Variants in GABRG2 observed in about 807,000 individuals in gnomAD.
The protein encoded by GABRG2 is gamma-aminobutyric acid type A receptor subunit gamma2.
Under a neutral mutation model 56.4 loss-of-function variants are expected in GABRG2, and 16 were observed. That is an observed-to-expected ratio of 0.28 (90% CI 0.19 to 0.43). The LOEUF is 0.43. Among genes scored for constraint, GABRG2 ranks in the 20% least tolerant of loss-of-function variants. The pLI, the probability that GABRG2 is intolerant of heterozygous loss-of-function variation, is 1.00. For missense variants in GABRG2, 327 were observed against 582.7 expected, an observed-to-expected ratio of 0.56 and a Z score of 4.52; for synonymous variants, 208 against 205.5, an observed-to-expected ratio of 1.01 and a Z score of -0.10.
At chr5:162,139,442 T>C (rs1217315843) in intron 6 of GABRG2, among the ~76,000 whole-genome samples, 1 of 152,234 alleles carries the variant, frequency 6.6e-6, no homozygotes, top group Non-Finnish European at 1.5e-5. Flanking sequence ...TTGCTTTTAA[T>C]GGCTTGTTCT....
chr5:162,151,481 T>C (rs970321056), intron 8 of GABRG2: 3 of 444,756 alleles, frequency 6.7e-6, no homozygotes, highest in Admixed American at 4.0e-5. Flanking sequence ...TCTGGCTTCT[T>C]CAGTCAAGTA....
intron 1 of GABRG2, among the ~76,000 whole-genome samples, chr5:162,078,827 G>C (rs888342239): frequency 6.6e-6 from 1 of 151,820 alleles, no homozygotes; most frequent in Non-Finnish European, 1.5e-5. Context: ...AAAAAGTGAG[G>C]TCATACATGG....
rs553408446 is a variant in GABRG2, at chr5:162,129,148, C to A, written c.770-13016C>A. ...TGTATTTTCTTAATAAGAACAATAG[C>A]CAAACTGGCATAGGAAAGCAAGAAA... On this transcript the variant is annotated intron_variant, in intron 6 of 9. Transcript: ENST00000639213. The A allele has an allele frequency of 4.6e-5, 7 of 151,940 alleles. No homozygotes were observed. In the South Asian group the frequency reaches 1.5e-3, roughly 32 times the overall value. 9.4% of individuals were successfully genotyped at this position (151,940 alleles called of 1,614,324 possible). A position where few individuals can be genotyped will look rare whatever the true frequency, so the allele number is the denominator to read the frequency against.
intron 6 of GABRG2, among the ~76,000 whole-genome samples, chr5:162,137,652 C>A (rs181773839): frequency 6.6e-6 from 1 of 152,188 alleles, no homozygotes; most frequent in Admixed American, 6.5e-5. Flanking sequence ...AATATCTCAC[C>A]ACACTCAAAT....
rs531311371 is a variant in GABRG2, at chr5:162,127,665, T to A, written c.770-14499T>A. Among the ~76,000 whole-genome samples the A allele has an allele frequency of 5.9e-5, 9 of 152,092 alleles. No homozygotes were observed. The South Asian group carries it at 1.9e-3, about 31-fold the overall frequency. On this transcript the variant is annotated intron_variant, in intron 6 of 9. Transcript: ENST00000639213. ...CCCCATTATTAAATATGTTGTCTCC[T>A]GAATTCACCGTATTTTGTCTTCAGG...
rs1765376948 is a variant in GABRG2, at chr5:162,151,644, A to G, written c.1129-86A>G. ...TGTTTTCAAAATGTATTTTTAATTT[A>G]TCTTGTCTCTCTCTTTTTTTTTCAT... On this transcript the variant is annotated intron_variant, in intron 8 of 9. Transcript: ENST00000639213. The G allele has an allele frequency of 2.5e-5, 29 of 1,167,182 alleles. 2 individuals are homozygous for G. In the South Asian group the frequency reaches 3.3e-4, roughly 13 times the overall value. The allele number at this position is 1,167,182 out of a possible 1,614,324, so 72.3% of individuals were successfully genotyped here. A position where few individuals can be genotyped will look rare whatever the true frequency, so the allele number is the denominator to read the frequency against.
At chr5:162,118,184 CTG>C (rs541643473) in intron 6 of GABRG2, among the ~76,000 whole-genome samples, 1 of 148,916 alleles carries the variant, frequency 6.7e-6, no homozygotes, top group Non-Finnish European at 1.5e-5. Context: ...CAAACTATTG[CTG>C]TTCATAGAGG....
chr5:162,150,137 A>G (rs977476347), intron 8 of GABRG2: 1 of 155,252 alleles, frequency 6.4e-6, no homozygotes, highest in Non-Finnish European at 1.4e-5. Flanking sequence ...TTACTATTAT[A>G]TGGGCAAGTT....
At chr5:162,135,814 A>G (rs1304929745) in intron 6 of GABRG2, among the ~76,000 whole-genome samples, 5 of 152,170 alleles carry the variant, frequency 3.3e-5, no homozygotes, top group Non-Finnish European at 5.9e-5. Context: ...AAGGCATGTA[A>G]AGAACTACAA....
At chr5:162,118,125 C>G (rs1304246753) in intron 6 of GABRG2, among the ~76,000 whole-genome samples, 1 of 151,480 alleles carries the variant, frequency 6.6e-6, no homozygotes, top group Non-Finnish European at 1.5e-5. Context: ...TTTTTCTCCT[C>G]AACTCTTTTT....
intron 1 of GABRG2, among the ~76,000 whole-genome samples, chr5:162,077,061 TAAC>T (rs1471517211): frequency 2.1e-5 from 3 of 140,234 alleles, no homozygotes; most frequent in African/African-American, 5.4e-5. Flanking sequence ...TGCAGTATTA[TAAC>T]AACTACCCCT....
intron 1 of GABRG2, among the ~76,000 whole-genome samples, chr5:162,082,488 A>G (rs1339460326): frequency 6.6e-6 from 1 of 151,772 alleles, no homozygotes; most frequent in Non-Finnish European, 1.5e-5. Flanking sequence ...TTCAAATTTC[A>G]TTGGGGATTT....
chr5:162,100,465 G>A lies in GABRG2; in HGVS notation c.549-770G>A, dbSNP rs930967037. The A allele has an allele frequency of 4.6e-5, 7 of 152,182 alleles. No individual in the cohort carries two copies. In the East Asian group the frequency reaches 7.7e-4, roughly 17 times the overall value. 9.4% of individuals were successfully genotyped at this position (152,182 alleles called of 1,614,324 possible). On this transcript the variant is annotated intron_variant, in intron 4 of 9. Coordinates refer to ENST00000639213, the MANE Select transcript of GABRG2 (RefSeq NM_198904.4). ...GAGATTATATTCATATTTACCCAAA[G>A]GTGGTCAAGACATTTGACTTTCAAA...
intron 6 of GABRG2, among the ~76,000 whole-genome samples, chr5:162,137,008 G>T (rs1764183421): frequency 6.6e-6 from 1 of 152,164 alleles, no homozygotes; most frequent in Admixed American, 6.5e-5. Flanking sequence ...CTCCAGAAGA[G>T]TTAATGAGAG....
intron 1 of GABRG2, among the ~76,000 whole-genome samples, chr5:162,078,059 A>G (rs990022142): frequency 1.3e-5 from 2 of 152,040 alleles, no homozygotes; most frequent in African/African-American, 4.8e-5. Context: ...ATCCTGATGT[A>G]TAATGGGAGG....
intron 6 of GABRG2, among the ~76,000 whole-genome samples, chr5:162,141,395 T>G (rs1764555422): frequency 6.6e-6 from 1 of 152,220 alleles, no homozygotes; most frequent in East Asian, 1.9e-4. Context: ...TTAGAGAATT[T>G]TATGTGTACG....
chr5:162,140,419 T>C (rs1764474223), intron 6 of GABRG2, among the ~76,000 whole-genome samples: 1 of 152,202 alleles, frequency 6.6e-6, no homozygotes, highest in Non-Finnish European at 1.5e-5. Context: ...AAGGCCTTTC[T>C]ATTTCAGCAG....
At position 162,154,315 on chromosome 5, in the gene GABRG2, G is replaced by A. The variant is rs766852844; in HGVS notation, c.*947G>A. ...TTCTCCATCTCAAGATCTGCTTCTA[G>A]TGATTGTGAGTGCCTTGTGGGCAGA... On this transcript the variant is annotated 3_prime_UTR_variant, in exon 10 of 10. Coordinates refer to ENST00000639213, the MANE Select transcript of GABRG2 (RefSeq NM_198904.4). 2.6e-5 allele frequency: 4 copies of A among 152,118 alleles called. No individual in the cohort carries two copies. Among genetic ancestry groups the A allele is most frequent in the Non-Finnish European group, 5.9e-5 (4 of 68,030 alleles). The allele number at this position is 152,118 out of a possible 1,614,324, so 9.4% of individuals were successfully genotyped here. A position where few individuals can be genotyped will look rare whatever the true frequency, so the allele number is the denominator to read the frequency against.
intron 1 of GABRG2, among the ~76,000 whole-genome samples, chr5:162,080,132 G>A (rs537566417): frequency 6.6e-6 from 1 of 152,218 alleles, no homozygotes; most frequent in African/African-American, 2.4e-5. Context: ...TTCAATAAAT[G>A]TTTATTGAGT....
Sources: allele counts gnomAD v4.1 joint callset (sites outside exome capture counted in the v4.1 genomes callset), GRCh38; gene constraint gnomAD v4.1.1; transcripts MANE v1.5; gene names NCBI Gene and HGNC (gene_info 2026-07-23, HGNC 2026-07-21).